Variants in SYN3 observed in about 807,000 individuals in gnomAD.
SYN3 encodes the protein synapsin-3.
A neutral mutation model predicts 65.8 loss-of-function variants in SYN3; 35 were observed. That is an observed-to-expected ratio of 0.53 (90% confidence interval 0.41 to 0.70). SYN3 has a LOEUF of 0.70. Ranked by LOEUF, SYN3 falls within the 30% of genes least tolerant of loss-of-function variation. The probability of loss-of-function intolerance (pLI) is 0.00; values close to 1 mark genes in which losing one functional copy is unlikely to be tolerated. For missense variants in SYN3, 680 were observed against 749.0 expected (o/e 0.91, Z 1.08); for synonymous variants, 270 against 292.9 (o/e 0.92, Z 0.80).
At chr22:32,578,024 T>C (rs536202383) in intron 7 of SYN3, among the ~76,000 whole-genome samples, 27 of 152,384 alleles carry the variant, frequency 1.8e-4, no homozygotes, top group African/African-American at 6.5e-4. Context: ...GGGCAGGGAC[T>C]TGATTGTGTT....
chr22:32,789,195 A>G (rs1313777023), intron 6 of SYN3, among the ~76,000 whole-genome samples: 3 of 152,238 alleles, frequency 2.0e-5, no homozygotes, highest in African/African-American at 7.2e-5. Context: ...TGATTTTTCA[A>G]CATGCCTTCA....
At chr22:32,813,539 G>A (rs2046973617) in intron 6 of SYN3, among the ~76,000 whole-genome samples, 2 of 145,504 alleles carry the variant, frequency 1.4e-5, no homozygotes. Context: ...ACACACACGT[G>A]GACCAAACAA....
chr22:32,705,711 T>A (rs962602565), intron 6 of SYN3, among the ~76,000 whole-genome samples: 2 of 152,228 alleles, frequency 1.3e-5, no homozygotes, highest in African/African-American at 4.8e-5. Flanking sequence ...TCTATTTGTT[T>A]GTGTCATCTC....
chr22:32,566,883 G>A (rs2058679042), intron 7 of SYN3, among the ~76,000 whole-genome samples: 1 of 152,140 alleles, frequency 6.6e-6, no homozygotes, highest in Non-Finnish European at 1.5e-5. Context: ...AGGTAGCCAA[G>A]TCCTAGAGGC....
At chr22:33,027,364 A>C (rs534536967) in intron 1 of SYN3, among the ~76,000 whole-genome samples, 1 of 152,236 alleles carries the variant, frequency 6.6e-6, no homozygotes, top group African/African-American at 2.4e-5. Flanking sequence ...TGGGAGTCAG[A>C]AGCAGGCAGA....
chr22:32,932,513 C>T (rs2050660698), intron 3 of SYN3, among the ~76,000 whole-genome samples: 3 of 151,980 alleles, frequency 2.0e-5, no homozygotes, highest in Admixed American at 2.0e-4. Flanking sequence ...GCACAGAAAA[C>T]CAGGGTGGAG....
chr22:32,969,282 C>G (rs567324087), intron 3 of SYN3, among the ~76,000 whole-genome samples: 2 of 152,120 alleles, frequency 1.3e-5, no homozygotes, highest in African/African-American at 2.4e-5. Context: ...AGAGGAGAGT[C>G]TAAAGGGTCA....
At chr22:32,802,007 C>T (rs1334343357) in intron 6 of SYN3, 6 of 1,583,758 alleles carry the variant, frequency 3.8e-6, no homozygotes, top group South Asian at 1.1e-5. Context: ...CGGCAATGAC[C>T]CCTTGGCTCG....
intron 7 of SYN3, among the ~76,000 whole-genome samples, chr22:32,569,263 C>G (rs536738880): frequency 1.4e-5 from 2 of 138,590 alleles, no homozygotes; most frequent in African/African-American, 5.2e-5. Context: ...CAAAATCTAT[C>G]TATCTATCTA....
intron 6 of SYN3, among the ~76,000 whole-genome samples, chr22:32,762,628 G>T (rs1001760728): frequency 1.6e-5 from 2 of 122,896 alleles, no homozygotes; most frequent in African/African-American, 3.1e-5. Context: ...GGCCAGGGTC[G>T]CGAAACCCAG....
chr22:32,621,043 T>G (rs1208401516), intron 6 of SYN3, among the ~76,000 whole-genome samples: 2 of 152,132 alleles, frequency 1.3e-5, no homozygotes, highest in Non-Finnish European at 2.9e-5. Flanking sequence ...ATGGCTGAAG[T>G]TGGTCAACAG....
At chr22:32,990,267 C>CCCATCCATGAATCCATCCATGAAT (rs759546933) in intron 2 of SYN3, among the ~76,000 whole-genome samples, 11 of 140,886 alleles carry the variant, frequency 7.8e-5, no homozygotes, top group African/African-American at 1.8e-4. Context: ...CACCCAACTA[C>CCCATCCATGAATCCATCCATGAAT]CCATCCATGA....
At chr22:32,845,101 G>T (rs568313831) in intron 6 of SYN3, among the ~76,000 whole-genome samples, 1 of 152,240 alleles carries the variant, frequency 6.6e-6, no homozygotes, top group South Asian at 2.1e-4. Flanking sequence ...AGAAATTCTA[G>T]AGAGACAAGA....
intron 6 of SYN3, among the ~76,000 whole-genome samples, chr22:32,789,467 G>C (rs1466539650): frequency 6.6e-6 from 1 of 152,148 alleles, no homozygotes; most frequent in Non-Finnish European, 1.5e-5. Flanking sequence ...ATAAAACAGA[G>C]TTCATTGTGC....
In SYN3 at chr22:32,512,300, A is replaced by C. The variant is rs1218923873; in HGVS notation, c.*1392T>G. Among the ~76,000 whole-genome samples the C allele has an allele frequency of 6.6e-6, 1 of 152,210 alleles. No homozygotes were observed. The highest frequency in any genetic ancestry group is 2.4e-5 in the African/African-American group (1 of 41,456). On this transcript the variant is annotated 3_prime_UTR_variant, in exon 14 of 14. Coordinates refer to ENST00000358763, the MANE Select transcript of SYN3 (RefSeq NM_003490.4). Reference sequence around the variant, plus strand: ...CTTCCCTGTGGACAGCAAAAGGAAGACATGTCTCATGTTGCGAAGTGGGAG... The same window carrying C: ...CTTCCCTGTGGACAGCAAAAGGAAGCCATGTCTCATGTTGCGAAGTGGGAG...
At chr22:32,606,156 G>T (rs2059368992) in intron 6 of SYN3, among the ~76,000 whole-genome samples, 2 of 152,186 alleles carry the variant, frequency 1.3e-5, no homozygotes. Flanking sequence ...ACGGCAGCAA[G>T]TGGGGGCCAT....
intron 6 of SYN3, among the ~76,000 whole-genome samples, chr22:32,628,098 T>C (rs146410721): frequency 4.3e-3 from 658 of 152,206 alleles, no homozygotes; most frequent in Admixed American, 7.5e-3. Flanking sequence ...GTGTGGGGAT[T>C]ACAGGTGTGA....
intron 6 of SYN3, among the ~76,000 whole-genome samples, chr22:32,623,114 G>A (rs899968587): frequency 6.6e-6 from 1 of 152,022 alleles, no homozygotes; most frequent in South Asian, 2.1e-4. Context: ...GAGCATGAAA[G>A]TGAGATTGTG....
At chr22:32,523,534 A>G (rs1334421663) in intron 12 of SYN3, among the ~76,000 whole-genome samples, 2 of 151,996 alleles carry the variant, frequency 1.3e-5, no homozygotes, top group Admixed American at 6.6e-5. Flanking sequence ...AAACAAACAA[A>G]CAAAAAAAGA....
Sources: allele counts gnomAD v4.1 joint callset (sites outside exome capture counted in the v4.1 genomes callset), GRCh38; gene constraint gnomAD v4.1.1; transcripts MANE v1.5; gene names NCBI Gene and HGNC (gene_info 2026-07-23, HGNC 2026-07-21).